Variants in ADK observed in about 807,000 individuals in gnomAD.
ADK encodes N6,N6-dimethyladenosine kinase.
A neutral mutation model predicts 44.7 loss-of-function variants in ADK; 24 were observed. The observed-to-expected ratio is 0.54, with a 90% CI of 0.39 to 0.76. ADK has a LOEUF of 0.76. Among genes scored for constraint, ADK ranks in the 30% least tolerant of loss-of-function variants. The pLI is 0.00. For missense variants in ADK, 321 were observed against 425.1 expected (o/e 0.76, Z 2.15); for synonymous variants, 128 against 142.6 (o/e 0.90, Z 0.73).
chr10:74,161,999 T>G (rs1478761631), intron 1 of ADK, among the ~76,000 whole-genome samples: 2 of 152,086 alleles, frequency 1.3e-5, no homozygotes, highest in African/African-American at 4.8e-5. Context: ...GCTGCATGCC[T>G]GGCCTCTTAA....
At chr10:74,295,422 A>C (rs2132495063) in intron 3 of ADK, among the ~76,000 whole-genome samples, 1 of 151,708 alleles carries the variant, frequency 6.6e-6, no homozygotes, top group East Asian at 2.0e-4. Flanking sequence ...AGATCACTTT[A>C]TTGCACTCCA....
At chr10:74,352,891 G>A (rs1434701530) in intron 4 of ADK, among the ~76,000 whole-genome samples, 5 of 152,094 alleles carry the variant, frequency 3.3e-5, no homozygotes, top group Non-Finnish European at 4.4e-5. Context: ...TTAGAATGGC[G>A]ATCATTAAAA....
intron 3 of ADK, among the ~76,000 whole-genome samples, chr10:74,306,063 ACTT>A (rs1346732975): frequency 6.6e-6 from 1 of 151,058 alleles, no homozygotes; most frequent in African/African-American, 2.4e-5. Context: ...TCTGCACCGC[ACTT>A]CTTTTCTTCT....
intron 7 of ADK, among the ~76,000 whole-genome samples, chr10:74,563,219 C>T (rs1398488910): frequency 6.6e-6 from 1 of 152,204 alleles, no homozygotes; most frequent in African/African-American, 2.4e-5. Flanking sequence ...TGCACCTCCA[C>T]ACCTGACTTC....
chr10:74,206,949 C>G (rs982610991), intron 2 of ADK, among the ~76,000 whole-genome samples: 1 of 152,130 alleles, frequency 6.6e-6, no homozygotes, highest in Non-Finnish European at 1.5e-5. Context: ...TTTGGCCTGG[C>G]AGGCTGCGTT....
chr10:74,593,035 G>T (rs1851775291), intron 8 of ADK, among the ~76,000 whole-genome samples: 2 of 152,200 alleles, frequency 1.3e-5, no homozygotes, highest in African/African-American at 2.4e-5. Context: ...AGTCTACAGA[G>T]AATGTATTCA....
In ADK at chr10:74,314,667, G is replaced by A. The variant is rs1194483230; in HGVS notation, c.195G>A (p.Leu65=). The A allele has an allele frequency of 3.1e-5, 50 of 1,610,576 alleles. No individual in the cohort carries two copies. In the Admixed American group the frequency reaches 8.2e-4, roughly 26 times the overall value. Residue 65 remains leucine (L), a splice_region_variant and synonymous_variant, in exon 4 of 11, where the codon CTG becomes CTA. Coordinates refer to ENST00000539909, the MANE Select transcript of ADK (RefSeq NM_006721.4). ...TTTTTCTACTGTGATTTCCTTATAGGTTTGATGAACTTGTGAAAAAATTCA... is the reference window on the plus strand; with the variant it reads ...TTTTTCTACTGTGATTTCCTTATAGATTTGATGAACTTGTGAAAAAATTCA... ...QILAEDKHKE[L]FDELVKKFKV...
At chr10:74,621,169 C>CT (rs1190089218) in intron 9 of ADK, among the ~76,000 whole-genome samples, 2 of 152,118 alleles carry the variant, frequency 1.3e-5, no homozygotes, top group Admixed American at 6.5e-5. Flanking sequence ...AAGTGTTTCC[C>CT]TTATGTTTCC....
At chr10:74,406,318 G>A (rs1209574091) in intron 6 of ADK, among the ~76,000 whole-genome samples, 1 of 151,930 alleles carries the variant, frequency 6.6e-6, no homozygotes, top group East Asian at 1.9e-4. Context: ...TACCTAATAT[G>A]TCTTTTAACC....
intron 6 of ADK, among the ~76,000 whole-genome samples, chr10:74,485,480 A>AATAC (rs1363911367): frequency 7.3e-5 from 11 of 151,078 alleles, no homozygotes; most frequent in African/African-American, 2.7e-4. Flanking sequence ...TAAATAAATA[A>AATAC]ATAAATAAAT....
chr10:74,227,227 A>AT, intron 3 of ADK, among the ~76,000 whole-genome samples: 1 of 152,198 alleles, frequency 6.6e-6, no homozygotes, highest in Non-Finnish European at 1.5e-5. Context: ...CTAATCAGTA[A>AT]TTCCATGCTT....
At chr10:74,435,762 A>G (rs1431920607) in intron 6 of ADK, among the ~76,000 whole-genome samples, 2 of 152,214 alleles carry the variant, frequency 1.3e-5, no homozygotes, top group Non-Finnish European at 2.9e-5. Flanking sequence ...ATGAGATAAC[A>G]TATTTAAAGT....
chr10:74,216,636 A>G (rs756416938), intron 2 of ADK, among the ~76,000 whole-genome samples: 3 of 151,568 alleles, frequency 2.0e-5, no homozygotes, highest in Non-Finnish European at 4.4e-5. Flanking sequence ...GAGGCACGAG[A>G]ATTGCTTGAA....
At chr10:74,431,330 T>G (rs189497392) in intron 6 of ADK, among the ~76,000 whole-genome samples, 1 of 152,282 alleles carries the variant, frequency 6.6e-6, no homozygotes, top group East Asian at 1.9e-4. Context: ...AGTTATCACA[T>G]CGGCCCAAAT....
At chr10:74,574,946 T>C (rs142883531) in intron 7 of ADK, among the ~76,000 whole-genome samples, 1 of 152,324 alleles carries the variant, frequency 6.6e-6, no homozygotes, top group East Asian at 1.9e-4. Flanking sequence ...TAGGATGTGA[T>C]AGAAAACTTT....
chr10:74,634,443 C>A (rs998149741), intron 9 of ADK, among the ~76,000 whole-genome samples: 1 of 152,046 alleles, frequency 6.6e-6, no homozygotes, highest in Non-Finnish European at 1.5e-5. Flanking sequence ...TGGTCTCGAT[C>A]TCCTGACCTC....
intron 3 of ADK, among the ~76,000 whole-genome samples, chr10:74,258,857 G>C (rs369449978): frequency 4.6e-5 from 7 of 151,338 alleles, no homozygotes; most frequent in Non-Finnish European, 8.8e-5. Context: ...TACTAAATGG[G>C]TTGTTTTCTG....
intron 6 of ADK, among the ~76,000 whole-genome samples, chr10:74,483,538 T>TGG (rs1291222496): frequency 2.0e-5 from 3 of 152,238 alleles, no homozygotes; most frequent in Admixed American, 2.0e-4. Context: ...AGAAAATTTC[T>TGG]CTTTTCTACC....
At chr10:74,300,327 C>CTTCCTTCCTT (rs1839982749) in intron 3 of ADK, among the ~76,000 whole-genome samples, 1 of 109,832 alleles carries the variant, frequency 9.1e-6, no homozygotes, top group African/African-American at 3.5e-5. Context: ...TCCTTCCTTC[C>CTTCCTTCCTT]TTCCTTCCTT....
Sources: allele counts gnomAD v4.1 joint callset (sites outside exome capture counted in the v4.1 genomes callset), GRCh38; gene constraint gnomAD v4.1.1; transcripts MANE v1.5; gene names NCBI Gene and HGNC (gene_info 2026-07-23, HGNC 2026-07-21).